Variants in LUZP2 observed in about 807,000 individuals in gnomAD.
LUZP2 encodes leucine zipper protein 2.
In LUZP2, 52 loss-of-function variants were observed where a neutral mutation model predicts 51.6. That is an observed-to-expected ratio of 1.01 (90% confidence interval 0.81 to 1.27). The LOEUF is 1.27. LUZP2 is among the 50% of genes most tolerant of loss of function. The probability of loss-of-function intolerance (pLI) is 0.00; values close to 1 mark genes in which losing one functional copy is unlikely to be tolerated. For missense variants in LUZP2, 436 were observed against 395.4 expected (o/e 1.10, Z -0.87); for synonymous variants, 154 against 137.3 (o/e 1.12, Z -0.85).
At chr11:24,642,675 A>T (rs981249410) in intron 1 of LUZP2, among the ~76,000 whole-genome samples, 1 of 151,888 alleles carries the variant, frequency 6.6e-6, no homozygotes, top group Non-Finnish European at 1.5e-5. Flanking sequence ...GAGTGTAAGG[A>T]AGACTTTATT....
Position 24,693,016 on chromosome 11 carries a change from G to C in LUZP2, c.63-36153G>C, listed in dbSNP as rs141897754. 7.3e-5 allele frequency among the ~76,000 whole-genome samples: 11 copies of C among 151,480 alleles called. No individual in the cohort carries two copies. The East Asian group carries it at 1.9e-3, about 27-fold the overall frequency. ...TTTACAAAATGAGCCTAGATTATAT[G>C]TTCTTCACTAAAAGTGAGCAAAAAT... On this transcript the variant is annotated intron_variant, in intron 1 of 11. Coordinates refer to ENST00000336930, the MANE Select transcript of LUZP2 (RefSeq NM_001009909.4).
chr11:24,562,541 C>T (rs1852079453), intron 1 of LUZP2, among the ~76,000 whole-genome samples: 1 of 151,584 alleles, frequency 6.6e-6, no homozygotes, highest in South Asian at 2.1e-4. Flanking sequence ...GGTAAGGACC[C>T]ATTAAATAGG....
intron 1 of LUZP2, among the ~76,000 whole-genome samples, chr11:24,703,599 G>T (rs1250214567): frequency 6.6e-6 from 1 of 151,956 alleles, no homozygotes; most frequent in African/African-American, 2.4e-5. Context: ...GAGGCAGGTG[G>T]ATCACCTGAG....
At chr11:24,536,782 A>G (rs533292980) in intron 1 of LUZP2, among the ~76,000 whole-genome samples, 2 of 152,004 alleles carry the variant, frequency 1.3e-5, no homozygotes, top group African/African-American at 4.8e-5. Context: ...CAACTTTGCT[A>G]TCTCTTTGAC....
intron 9 of LUZP2, among the ~76,000 whole-genome samples, chr11:25,031,429 T>C (rs1235617321): frequency 6.6e-6 from 1 of 152,152 alleles, no homozygotes; most frequent in Non-Finnish European, 1.5e-5. Context: ...GGATTTAAAG[T>C]TTATGTGGTG....
intron 7 of LUZP2, among the ~76,000 whole-genome samples, chr11:24,942,668 T>G (rs1001131277): frequency 3.3e-5 from 5 of 152,192 alleles, no homozygotes; most frequent in Non-Finnish European, 7.4e-5. Context: ...TGCCAATGTG[T>G]GGCTTGGCTT....
chr11:24,889,255 TG>T lies in LUZP2; in HGVS notation c.397-16730del, dbSNP rs757674965. On this transcript the variant is annotated intron_variant, in intron 5 of 11. Coordinates refer to ENST00000336930, the MANE Select transcript of LUZP2 (RefSeq NM_001009909.4). ...ACTATGTGATTATGTAACATGTGGG[TG>T]GGGGGCAAAAATATTTAAGCATGAC... Among the ~76,000 whole-genome samples the T allele has an allele frequency of 1.2e-4, 18 of 152,090 alleles. No individual in the cohort carries two copies. The East Asian group carries it at 2.7e-3, about 23-fold the overall frequency.
chr11:24,700,701 G>T (rs1857397476), intron 1 of LUZP2, among the ~76,000 whole-genome samples: 1 of 152,012 alleles, frequency 6.6e-6, no homozygotes, highest in Admixed American at 6.6e-5. Flanking sequence ...ATTGGATATT[G>T]ATATAATATT....
At chr11:24,682,758 C>A (rs368915687) in intron 1 of LUZP2, among the ~76,000 whole-genome samples, 12 of 151,916 alleles carry the variant, frequency 7.9e-5, no homozygotes, top group East Asian at 3.9e-4. Flanking sequence ...GTAATCCCAG[C>A]ACGTTGGGAG....
intron 5 of LUZP2, among the ~76,000 whole-genome samples, chr11:24,840,775 G>T (rs1851005071): frequency 1.3e-5 from 2 of 151,794 alleles, no homozygotes; most frequent in East Asian, 1.9e-4. Context: ...CATATTTAGG[G>T]CACTAGATAT....
chr11:24,600,908 T>C (rs1228880745), intron 1 of LUZP2, among the ~76,000 whole-genome samples: 1 of 152,154 alleles, frequency 6.6e-6, no homozygotes. Flanking sequence ...ATTTTCACCA[T>C]GGTGTTACTC....
Position 24,654,537 on chromosome 11 carries a change from C to T in LUZP2, c.63-74632C>T, listed in dbSNP as rs143073903. 8.0e-3 allele frequency among the ~76,000 whole-genome samples: 1,216 copies of T among 152,196 alleles called. 4 individuals are homozygous for T. Among genetic ancestry groups the T allele is most frequent in the Non-Finnish European group, 0.014 (937 of 68,004 alleles). On this transcript the variant is annotated intron_variant, in intron 1 of 11. Transcript: ENST00000336930. Reference sequence around the variant, plus strand: ...TCAAGAGTTTCTCTTGCCTCAGCCTCTGTTTCCCAGGCTGGAGCACAGTGG... The same window carrying T: ...TCAAGAGTTTCTCTTGCCTCAGCCTTTGTTTCCCAGGCTGGAGCACAGTGG...
chr11:24,835,798 C>T (rs1454229948), intron 5 of LUZP2, among the ~76,000 whole-genome samples: 18 of 152,032 alleles, frequency 1.2e-4, no homozygotes, highest in African/African-American at 3.9e-4. Flanking sequence ...TAATATAGAA[C>T]ATAAATTCTT....
At chr11:25,071,673 G>T (rs891379501) in intron 10 of LUZP2, among the ~76,000 whole-genome samples, 3 of 151,150 alleles carry the variant, frequency 2.0e-5, no homozygotes, top group Non-Finnish European at 2.9e-5. Context: ...CTGTCATGGG[G>T]TTGGGGGAGA....
chr11:24,509,425 AGAT>A (rs888528889), intron 1 of LUZP2, among the ~76,000 whole-genome samples: 3 of 150,344 alleles, frequency 2.0e-5, no homozygotes, highest in Admixed American at 6.7e-5. Flanking sequence ...AATATGTACT[AGAT>A]GATATATATA....
At chr11:24,745,241 A>C (rs1309539759) in intron 4 of LUZP2, among the ~76,000 whole-genome samples, 1 of 152,162 alleles carries the variant, frequency 6.6e-6, no homozygotes, top group East Asian at 1.9e-4. Flanking sequence ...TCCAAGGTAT[A>C]GTTTAAATTC....
intron 7 of LUZP2, among the ~76,000 whole-genome samples, chr11:24,919,533 T>TAC (rs898926737): frequency 3.5e-5 from 5 of 141,156 alleles, no homozygotes; most frequent in African/African-American, 1.3e-4. Flanking sequence ...TTTATATATA[T>TAC]ACTGTATATG....
chr11:24,575,364 G>A (rs1029086315), intron 1 of LUZP2, among the ~76,000 whole-genome samples: 3 of 152,060 alleles, frequency 2.0e-5, no homozygotes, highest in African/African-American at 7.2e-5. Context: ...TGCTTCCCAT[G>A]TTAGAGAACA....
intron 7 of LUZP2, among the ~76,000 whole-genome samples, chr11:24,950,600 T>G (rs1232786469): frequency 6.6e-6 from 1 of 151,682 alleles, no homozygotes; most frequent in Non-Finnish European, 1.5e-5. Flanking sequence ...CAGTTCTTTT[T>G]GTCTTTAGAG....
Sources: gnomAD v4.1 joint callset for allele counts (sites outside exome capture counted in the v4.1 genomes callset) on GRCh38, gnomAD v4.1.1 for gene constraint, MANE v1.5 for transcripts, NCBI Gene and HGNC (gene_info 2026-07-23, HGNC 2026-07-21) for gene names.